The following CPAMD8 variants were observed in gnomAD, a reference collection of about 807,000 sequenced individuals.
CPAMD8 encodes the protein C3 and PZP like alpha-2-macroglobulin domain containing 8, also known as C3 and PZP-like alpha-2-macroglobulin domain-containing protein 8.
Under a neutral mutation model 224.7 loss-of-function variants are expected in CPAMD8, and 146 were observed. The ratio of observed to expected loss-of-function variants is 0.65; its 90% CI spans 0.57 to 0.75. The LOEUF is 0.75. CPAMD8 is among the 30% of genes least tolerant of loss of function. The pLI is 0.00. For synonymous variants in CPAMD8, 966 were observed against 1,044.6 expected (o/e 0.92, Z 1.45); for missense variants, 2,301 against 2,537.5 (o/e 0.91, Z 2.00).
chr19:16,928,639 T>A (rs573194745), intron 24 of CPAMD8, among the ~76,000 whole-genome samples: 1 of 152,242 alleles, frequency 6.6e-6, no homozygotes, highest in East Asian at 1.9e-4. Context: ...TATATCTTCT[T>A]TTTCCTTGGC....
chr19:16,957,216 A>G (rs2089986083), intron 19 of CPAMD8, among the ~76,000 whole-genome samples: 1 of 152,142 alleles, frequency 6.6e-6, no homozygotes, highest in South Asian at 2.1e-4. Flanking sequence ...TTGCCACAGC[A>G]CCTTGTGCCT....
In CPAMD8 at chr19:16,914,725, T is replaced by C; in HGVS notation, c.3718A>G (p.Ile1240Val). ...PRELAAAKSW[I>V]IQQQQADGSF... ...CCATCGGCCTGCTGCTGCTGGATGATCCAGCTCTTGGCGGCAGCCAGCTCC... is the reference window on the plus strand; with the variant it reads ...CCATCGGCCTGCTGCTGCTGGATGACCCAGCTCTTGGCGGCAGCCAGCTCC... The change falls in exon 28 of 42, where the codon ATC becomes GTC. Residue 1240 changes from isoleucine to valine, a missense_variant. By Grantham distance (29) the Ile-to-Val change is conservative (BLOSUM62 3). Around this residue, in one of 4 missense-constraint regions of CPAMD8, gnomAD observed 1,709 missense variants for 1,753.2 expected, o/e 0.97. Coordinates refer to ENST00000443236, the MANE Select transcript of CPAMD8 (RefSeq NM_015692.5). The C allele has an allele frequency of 1.9e-6, 3 of 1,614,120 alleles. No individual in the cohort carries two copies. The highest frequency in any genetic ancestry group is 2.5e-6 in the Non-Finnish European group (3 of 1,180,016).
Position 16,906,742 on chromosome 19 carries a change from C to T in CPAMD8, c.4027+210G>A, listed in dbSNP as rs549496453. The stretch of plus-strand genomic sequence containing the variant: ...GTTTTGTTTTTGAGACGGAGTCTTG[C>T]TCTGTTACCCAGGCTGGAGTGCAAT... On this transcript the variant is annotated intron_variant, in intron 30 of 41. Coordinates refer to ENST00000443236, the MANE Select transcript of CPAMD8 (RefSeq NM_015692.5). Among the ~76,000 whole-genome samples, 5 of 151,988 alleles carry T rather than the reference C, an allele frequency of 3.3e-5. No homozygotes were observed. In the South Asian group the frequency reaches 1.0e-3, roughly 32 times the overall value.
chr19:16,939,049 A>C (rs2053790225), intron 22 of CPAMD8, among the ~76,000 whole-genome samples: 1 of 152,182 alleles, frequency 6.6e-6, no homozygotes, highest in Admixed American at 6.5e-5. Flanking sequence ...TCTGACCAAC[A>C]CGGCCCCTGT....
intron 22 of CPAMD8, among the ~76,000 whole-genome samples, chr19:16,942,291 G>A (rs150611076): frequency 1.1e-3 from 166 of 152,186 alleles, no homozygotes; most frequent in Middle Eastern, 6.8e-3. Context: ...GTGAAACCCC[G>A]TCTCTACTAA....
chr19:16,952,347 G>A (rs971025226), intron 19 of CPAMD8, 147 bp from the exon 20 acceptor site: 1 of 629,366 alleles, frequency 1.6e-6, no homozygotes, highest in Non-Finnish European at 2.8e-6. Context: ...CACAAAAGCG[G>A]CAACAGGAAA....
At position 16,970,742 on chromosome 19, in the gene CPAMD8, G is replaced by A; in HGVS notation, c.2213+149C>T. The stretch of plus-strand genomic sequence containing the variant: ...TGGTGCCCTGTTCTTGGACTTCCAA[G>A]CCCCAAGAACCATGTGAAATAAATT... On this transcript the variant is annotated intron_variant, in intron 18 of 41. Transcript: ENST00000443236. 5 of 749,594 alleles carry A rather than the reference G, an allele frequency of 6.7e-6. No homozygotes were observed. The South Asian group carries it at 6.8e-5, about 10-fold the overall frequency. 46.4% of individuals were successfully genotyped at this position (749,594 alleles called of 1,614,324 possible). A position where few individuals can be genotyped will look rare whatever the true frequency, so the allele number is the denominator to read the frequency against.
intron 21 of CPAMD8, among the ~76,000 whole-genome samples, chr19:16,946,463 G>A (rs1404293131): frequency 6.7e-6 from 1 of 149,824 alleles, no homozygotes; most frequent in Non-Finnish European, 1.5e-5. Context: ...GTGGGCATGT[G>A]TGTGGATCTG....
At chr19:16,894,373 G>A (rs1442891467) in intron 41 of CPAMD8, 1 of 456,592 alleles carries the variant, frequency 2.2e-6, no homozygotes, top group Non-Finnish European at 4.4e-6. Context: ...ATAGGGACAG[G>A]ATGCAGCCAG....
intron 9 of CPAMD8, among the ~76,000 whole-genome samples, chr19:17,001,404 G>C (rs2056315690): frequency 6.6e-6 from 1 of 151,304 alleles, no homozygotes; most frequent in Non-Finnish European, 1.5e-5. Context: ...TGCCAGGGAG[G>C]CCTGCAGAGG....
chr19:16,948,399 G>T (rs6512149), intron 20 of CPAMD8, among the ~76,000 whole-genome samples: 70,551 of 151,858 alleles, frequency 0.46, 16,993 homozygotes, highest in African/African-American at 0.59. Context: ...AATGGCTGCT[G>T]CAGGGTGCAC....
At chr19:16,896,393 G>T in intron 40 of CPAMD8, 63 bp downstream of exon 40, 1 of 1,516,764 alleles carries the variant, frequency 6.6e-7, no homozygotes, top group African/African-American at 1.4e-5. Flanking sequence ...GAGGGGAGGA[G>T]ATCCGTGGCC....
At chr19:16,905,528 G>A (rs1274075991) in intron 30 of CPAMD8, among the ~76,000 whole-genome samples, 7 of 82,810 alleles carry the variant, frequency 8.5e-5, no homozygotes, top group Non-Finnish European at 1.3e-4. Context: ...CAACAAGAGC[G>A]AAACTCCGTT....
In CPAMD8 at chr19:16,898,656, G is replaced by A. The variant is rs900943633; in HGVS notation, c.4849-662C>T. ...CAACCACAAATCTTTCCAACTCTAC[G>A]GATTTGCCTGTTCTGGGCATTTCAT... On this transcript the variant is annotated intron_variant, in intron 37 of 41. Transcript: ENST00000443236. The surrounding 1 kb of genome is among the most constrained non-coding windows in gnomAD (Gnocchi z 4.2). 2.0e-5 allele frequency among the ~76,000 whole-genome samples: 3 copies of A among 151,930 alleles called. No homozygotes were observed. Among genetic ancestry groups the A allele is most frequent in the African/African-American group, 4.8e-5 (2 of 41,334 alleles).
intron 2 of CPAMD8, 33 bp downstream of exon 2, chr19:17,021,997 G>A: frequency 1.9e-6 from 3 of 1,550,078 alleles, no homozygotes; most frequent in South Asian, 2.4e-5. Flanking sequence ...GCAAAAGAAG[G>A]GGAAGTCCTG....
chr19:16,984,779 CAGAG>C (rs997376968), intron 13 of CPAMD8, among the ~76,000 whole-genome samples: 1 of 152,072 alleles, frequency 6.6e-6, no homozygotes, highest in African/African-American at 2.4e-5. Context: ...GAGGCTGAGG[CAGAG>C]AGGATCACTT....
At chr19:17,018,237 C>A (rs192436787) in intron 3 of CPAMD8, among the ~76,000 whole-genome samples, 6 of 152,130 alleles carry the variant, frequency 3.9e-5, no homozygotes, top group Admixed American at 3.9e-4. Flanking sequence ...AGCTAACCCC[C>A]CAAATGCCGC....
chr19:16,957,714 G>T (rs1457091), intron 19 of CPAMD8, 139 bp downstream of exon 19: 2 of 771,140 alleles, frequency 2.6e-6, no homozygotes, highest in African/African-American at 1.7e-5. Flanking sequence ...TTGAAGTTTT[G>T]TGTGTTAGAA....
intron 35 of CPAMD8, among the ~76,000 whole-genome samples, chr19:16,901,955 G>A (rs988309120): frequency 4.6e-5 from 7 of 152,050 alleles, no homozygotes; most frequent in Admixed American, 2.0e-4. Flanking sequence ...CCGGGGTAGC[G>A]GCTCTGATGG....
Sources: allele counts gnomAD v4.1 joint callset (sites outside exome capture counted in the v4.1 genomes callset), GRCh38; gene constraint gnomAD v4.1.1; regional missense constraint gnomAD v4.1.1; non-coding constraint Gnocchi (gnomAD v3.1); transcripts MANE v1.5; gene names NCBI Gene and HGNC (gene_info 2026-07-23, HGNC 2026-07-21).